The following ZNF423 variants were observed in gnomAD, a reference collection of about 807,000 sequenced individuals.
ZNF423 encodes the protein zinc finger protein 423, also known as Ebf-associated zinc finger protein.
In ZNF423, 12 loss-of-function variants were observed where a neutral mutation model predicts 95.8. The observed-to-expected ratio is 0.13, with a 90% CI of 0.08 to 0.20. ZNF423 has a LOEUF of 0.20. ZNF423 is among the 10% of genes least tolerant of loss of function. ZNF423 has a pLI of 1.00. For synonymous variants in ZNF423, 749 were observed against 711.9 expected (o/e 1.05, Z -0.83); for missense variants, 1,316 against 1,737.1 (o/e 0.76, Z 4.31).
At chr16:49,650,375 T>C (rs1177770910) in intron 3 of ZNF423, among the ~76,000 whole-genome samples, 1 of 152,216 alleles carries the variant, frequency 6.6e-6, no homozygotes, top group Admixed American at 6.5e-5. Context: ...AGTAACTACC[T>C]TACAAAGTGG....
intron 2 of ZNF423, among the ~76,000 whole-genome samples, chr16:49,784,171 G>T (rs966617639): frequency 2.6e-5 from 4 of 152,088 alleles, no homozygotes; most frequent in Non-Finnish European, 5.9e-5. Flanking sequence ...TAAACATAAA[G>T]TTGCCCTATA....
chr16:49,531,956 C>A (rs1042032927), intron 5 of ZNF423, among the ~76,000 whole-genome samples: 4 of 152,176 alleles, frequency 2.6e-5, no homozygotes, highest in African/African-American at 9.7e-5. Context: ...TTGGGGCGTC[C>A]ATTAACGCTT....
intron 1 of ZNF423, among the ~76,000 whole-genome samples, chr16:49,789,933 A>C (rs1473980629): frequency 6.6e-6 from 1 of 151,892 alleles, no homozygotes; most frequent in Non-Finnish European, 1.5e-5. Flanking sequence ...GCTGAGGTCA[A>C]CTCTCCCAAT....
chr16:49,538,436 C>G (rs994602281), intron 5 of ZNF423, among the ~76,000 whole-genome samples: 1 of 152,180 alleles, frequency 6.6e-6, no homozygotes, highest in African/African-American at 2.4e-5. Context: ...CCTTTGCTCT[C>G]CGCTCCTGGC....
Position 49,533,281 on chromosome 16 carries a change from CG to C in ZNF423, c.3602-7788del, listed in dbSNP as rs755026733. Among the ~76,000 whole-genome samples, 4 of 152,118 alleles carry C rather than the reference CG, an allele frequency of 2.6e-5. No homozygotes were observed. In the East Asian group the frequency reaches 5.8e-4, roughly 22 times the overall value. On this transcript the variant is annotated intron_variant, in intron 5 of 7. Transcript: ENST00000563137. ...TACACCTGGGGGTCGCAATGGGATT[CG>C]GGGAACGAAGGCTAAGAAAGGAGGA...
chr16:49,794,161 G>A (rs796879469), intron 1 of ZNF423, among the ~76,000 whole-genome samples: 39 of 151,958 alleles, frequency 2.6e-4, no homozygotes, highest in African/African-American at 8.0e-4. Flanking sequence ...TCAGCCTCCC[G>A]AGCAGCTGGA....
chr16:49,536,965 T>C (rs777424358), intron 5 of ZNF423, among the ~76,000 whole-genome samples: 1 of 152,252 alleles, frequency 6.6e-6, no homozygotes, highest in Non-Finnish European at 1.5e-5. Flanking sequence ...GATTAACAAA[T>C]ATTTATTGAA....
chr16:49,497,172 T>C lies in ZNF423; in HGVS notation c.3850-5868A>G, dbSNP rs1967195087. On this transcript the variant is annotated intron_variant, in intron 7 of 7. Transcript: ENST00000563137. ...CAGGGAGACTCCACAGGGGATGGAA[T>C]AGGTGTGCACTCATCCACCCATCCA... Among the ~76,000 whole-genome samples the C allele has an allele frequency of 2.0e-5, 3 of 152,138 alleles. No homozygotes were observed. The South Asian group carries it at 6.2e-4, about 32-fold the overall frequency.
At chr16:49,544,419 G>T (rs150157443) in intron 5 of ZNF423, among the ~76,000 whole-genome samples, 1 of 152,282 alleles carries the variant, frequency 6.6e-6, no homozygotes, top group East Asian at 1.9e-4. Flanking sequence ...AATTAGGGAG[G>T]GAGATCAGCT....
intron 1 of ZNF423, among the ~76,000 whole-genome samples, chr16:49,795,295 C>T (rs554158549): frequency 1.6e-4 from 25 of 152,306 alleles, no homozygotes; most frequent in Admixed American, 1.5e-3. Context: ...GTCCCCTCCA[C>T]GCCACCACTG....
chr16:49,653,954 T>C (rs12102669), intron 3 of ZNF423, among the ~76,000 whole-genome samples: 2,559 of 152,344 alleles, frequency 0.017, 92 homozygotes, highest in African/African-American at 0.059. Flanking sequence ...TGCAGAGCCC[T>C]TTCTGTGGCC....
At chr16:49,568,272 G>C (rs931556682) in intron 5 of ZNF423, among the ~76,000 whole-genome samples, 5 of 152,154 alleles carry the variant, frequency 3.3e-5, no homozygotes, top group African/African-American at 9.7e-5. Flanking sequence ...GCCAGCTAAG[G>C]GGGTAGGATG....
chr16:49,570,680 C>A (rs1001180613), intron 5 of ZNF423, among the ~76,000 whole-genome samples: 3 of 152,266 alleles, frequency 2.0e-5, no homozygotes, highest in East Asian at 3.9e-4. Flanking sequence ...GCAACTTGGC[C>A]CTCTTTGGGG....
chr16:49,625,795 G>C (rs995593644), intron 5 of ZNF423, among the ~76,000 whole-genome samples: 4 of 152,200 alleles, frequency 2.6e-5, no homozygotes, highest in African/African-American at 4.8e-5. Flanking sequence ...TGTGCCTGAG[G>C]AATTCACCAT....
chr16:49,696,041 T>C (rs2031957124), intron 3 of ZNF423, among the ~76,000 whole-genome samples: 1 of 152,204 alleles, frequency 6.6e-6, no homozygotes, highest in South Asian at 2.1e-4. Context: ...TGATCTCAGA[T>C]AGGTTTACTC....
In ZNF423 at chr16:49,701,288, A is replaced by G. The variant is rs151333774; in HGVS notation, c.301+29483T>C. On this transcript the variant is annotated intron_variant, in intron 3 of 7. Transcript: ENST00000563137. ...TGTGTAGGGTGGGGGACAGGAAGGC[A>G]CCCCTCTGTCTTTTCAAGACTTCAG... Among the ~76,000 whole-genome samples the G allele has an allele frequency of 3.8e-4, 58 of 152,256 alleles. 1 individual carries two copies. The East Asian group carries it at 0.01, about 26-fold the overall frequency.
At chr16:49,694,284 T>G (rs7196282) in intron 3 of ZNF423, among the ~76,000 whole-genome samples, 40,652 of 152,060 alleles carry the variant, frequency 0.27, 5,696 homozygotes, top group South Asian at 0.46. Context: ...CCCAGCACAG[T>G]GCCTGCCATA....
intron 3 of ZNF423, among the ~76,000 whole-genome samples, chr16:49,697,327 T>G (rs2032012164): frequency 6.6e-6 from 1 of 152,126 alleles, no homozygotes; most frequent in Non-Finnish European, 1.5e-5. Context: ...AGGAATCCTG[T>G]GCAAGGGAAC....
chr16:49,612,763 T>C (rs146626516), intron 5 of ZNF423, among the ~76,000 whole-genome samples: 66 of 152,248 alleles, frequency 4.3e-4, no homozygotes, highest in African/African-American at 1.5e-3. Context: ...GATGGCATGA[T>C]TGTCTATGCT....
Sources: gnomAD v4.1 joint callset for allele counts (sites outside exome capture counted in the v4.1 genomes callset) on GRCh38, gnomAD v4.1.1 for gene constraint, MANE v1.5 for transcripts, NCBI Gene and HGNC (gene_info 2026-07-23, HGNC 2026-07-21) for gene names.